METTL15: variants seen among roughly 807,000 people sequenced by gnomAD.
The protein encoded by METTL15 is 12S rRNA N(4)-cytidine methyltransferase METTL15.
In METTL15, 34 loss-of-function variants were observed where a neutral mutation model predicts 38.3. The ratio of observed to expected loss-of-function variants is 0.89; its 90% confidence interval spans 0.68 to 1.18. METTL15 has a LOEUF of 1.18. METTL15 is among the 50% of genes most tolerant of loss of function. METTL15 has a pLI of 0.00. For synonymous variants in METTL15, 162 were observed against 170.9 expected, an observed-to-expected ratio of 0.95 and a Z score of 0.41; for missense variants, 438 against 498.4, an observed-to-expected ratio of 0.88 and a Z score of 1.15.
chr11:28,385,930 C>G (rs1365596689), intron 5 of METTL15, among the ~76,000 whole-genome samples: 1 of 152,010 alleles, frequency 6.6e-6, no homozygotes. Flanking sequence ...TAACAAATAG[C>G]TGTAATTGTA....
chr11:28,417,655 GA>G (rs1363612736), intron 5 of METTL15, among the ~76,000 whole-genome samples: 1 of 152,132 alleles, frequency 6.6e-6, no homozygotes, highest in African/African-American at 2.4e-5. Context: ...ATTTTTCTTG[GA>G]GGGGGTGGCA....
At chr11:28,251,117 G>C (rs1785178999) in intron 4 of METTL15, among the ~76,000 whole-genome samples, 1 of 151,984 alleles carries the variant, frequency 6.6e-6, no homozygotes, top group African/African-American at 2.4e-5. Context: ...CAGTAGAGCA[G>C]ATCTCTGGTA....
rs973365212 is a variant in METTL15 at position 28,135,331 on chromosome 11, G to C, written c.270+21727G>C. ...GCTTTAATGGAACTCTGTTCCACAA[G>C]GAATCTCAGATAAGACCTTTAAAAG... is the stretch of plus-strand genomic sequence containing the variant. On this transcript the variant is annotated intron_variant, in intron 3 of 6. Transcript: ENST00000407364. 8.5e-5 allele frequency among the ~76,000 whole-genome samples: 13 copies of C among 152,156 alleles called. 1 individual carries two copies. The South Asian group carries it at 2.1e-3, about 24-fold the overall frequency.
chr11:28,457,567 C>T (rs1328901128), intron 6 of METTL15, among the ~76,000 whole-genome samples: 1 of 152,138 alleles, frequency 6.6e-6, no homozygotes, highest in Non-Finnish European at 1.5e-5. Context: ...CTTTTAGATG[C>T]TACGTGACTT....
chr11:28,306,546 T>TA (rs1857088503), intron 6 of METTL15, among the ~76,000 whole-genome samples: 1 of 152,070 alleles, frequency 6.6e-6, no homozygotes, highest in Non-Finnish European at 1.5e-5. Flanking sequence ...AGGTGGCAGA[T>TA]ACAATAACAT....
At chr11:28,225,684 G>A (rs1853449504) in intron 4 of METTL15, among the ~76,000 whole-genome samples, 1 of 151,670 alleles carries the variant, frequency 6.6e-6, no homozygotes, top group Non-Finnish European at 1.5e-5. Context: ...TTACTGGTTG[G>A]TCACTTTTAG....
intron 3 of METTL15, among the ~76,000 whole-genome samples, chr11:28,166,928 G>C (rs1280419232): frequency 6.6e-6 from 1 of 152,134 alleles, no homozygotes; most frequent in African/African-American, 2.4e-5. Flanking sequence ...CAGCCTGTGT[G>C]ACAGAGTGAG....
chr11:28,409,381 C>CAAAAAAAA (rs58050337), intron 5 of METTL15, among the ~76,000 whole-genome samples: 2 of 81,338 alleles, frequency 2.5e-5, no homozygotes, highest in Non-Finnish European at 4.2e-5. Context: ...GACTCCGTCT[C>CAAAAAAAA]AAAAAAAAAA....
intron 6 of METTL15, among the ~76,000 whole-genome samples, chr11:28,449,820 A>C (rs559101210): frequency 2.6e-5 from 4 of 152,144 alleles, no homozygotes; most frequent in African/African-American, 9.7e-5. Flanking sequence ...ACAGGATGAA[A>C]AGGGAGAAGA....
intron 5 of METTL15, among the ~76,000 whole-genome samples, chr11:28,405,663 T>C (rs752200884): frequency 6.6e-6 from 1 of 152,166 alleles, no homozygotes; most frequent in Non-Finnish European, 1.5e-5. Flanking sequence ...CTAAAATCAC[T>C]ATACCTCAGA....
chr11:28,505,078 GAC>G, intron 6 of METTL15, among the ~76,000 whole-genome samples: 1 of 152,340 alleles, frequency 6.6e-6, no homozygotes, highest in Admixed American at 6.5e-5. Context: ...AAAGAGCCAG[GAC>G]TGGACCTGGT....
intron 5 of METTL15, among the ~76,000 whole-genome samples, chr11:28,378,457 G>A (rs1264216497): frequency 3.9e-5 from 6 of 152,198 alleles, no homozygotes; most frequent in African/African-American, 1.4e-4. Context: ...ATTAGGAAAG[G>A]GAACTCCCTG....
chr11:28,308,451 G>T (rs1253152132), intron 6 of METTL15, among the ~76,000 whole-genome samples: 2 of 151,804 alleles, frequency 1.3e-5, no homozygotes, highest in African/African-American at 4.8e-5. Context: ...CACTCTTAAG[G>T]TATATCTAAT....
At chr11:28,292,077 C>CT (rs1351403430) in intron 5 of METTL15, among the ~76,000 whole-genome samples, 8 of 151,302 alleles carry the variant, frequency 5.3e-5, no homozygotes, top group African/African-American at 9.7e-5. Context: ...TTTTATTATA[C>CT]TTTAAGTTTT....
chr11:28,277,803 G>A (rs1855900754), intron 4 of METTL15, among the ~76,000 whole-genome samples: 1 of 152,226 alleles, frequency 6.6e-6, no homozygotes. Flanking sequence ...GGCACATAAA[G>A]ACAAATATTG....
intron 6 of METTL15, among the ~76,000 whole-genome samples, chr11:28,298,391 C>T (rs1203901202): frequency 3.3e-5 from 5 of 151,984 alleles, no homozygotes; most frequent in African/African-American, 1.2e-4. Context: ...TAGAGAGCAT[C>T]CTAAAAATTG....
At chr11:28,424,373 C>A (rs1349645945) in intron 6 of METTL15, 1 of 152,016 alleles carries the variant, frequency 6.6e-6, no homozygotes, top group Non-Finnish European at 1.5e-5. Flanking sequence ...AGGTGAGTCA[C>A]TATTATAGGC....
chr11:28,204,279 GTTCT>G (rs533474630), intron 3 of METTL15, among the ~76,000 whole-genome samples: 13 of 151,600 alleles, frequency 8.6e-5, no homozygotes, highest in Admixed American at 2.6e-4. Flanking sequence ...TACATTTTTT[GTTCT>G]TTCTATCACT....
chr11:28,288,553 A>G (rs1856381974), intron 4 of METTL15, among the ~76,000 whole-genome samples: 1 of 152,154 alleles, frequency 6.6e-6, no homozygotes, highest in Non-Finnish European at 1.5e-5. Context: ...TTAGCAAACT[A>G]ATGCAGGAAC....
Sources: gnomAD v4.1 joint callset for allele counts (sites outside exome capture counted in the v4.1 genomes callset) on GRCh38, gnomAD v4.1.1 for gene constraint, MANE v1.5 for transcripts, NCBI Gene and HGNC (gene_info 2026-07-23, HGNC 2026-07-21) for gene names.